NFAM1: variants seen among roughly 807,000 people sequenced by gnomAD.
The protein encoded by NFAM1 is NFAT activating protein with ITAM motif 1.
A neutral mutation model predicts 29.0 loss-of-function variants in NFAM1; 17 were observed. The observed-to-expected ratio is 0.59, with a 90% CI of 0.40 to 0.88. The LOEUF is 0.88. Ranked by LOEUF, NFAM1 falls within the 40% of genes least tolerant of loss-of-function variation. NFAM1 has a pLI of 0.00. For synonymous variants in NFAM1, 175 were observed against 147.2 expected (o/e 1.19, Z -1.36); for missense variants, 324 against 344.6 (o/e 0.94, Z 0.47).
upstream of NFAM1, among the ~76,000 whole-genome samples, chr22:42,436,562 G>T (rs1309631393): frequency 3.3e-5 from 5 of 152,232 alleles, no homozygotes; most frequent in Admixed American, 3.3e-4. Context: ...CCACCTGGAG[G>T]CCATCTGCCC....
chr22:42,426,274 A>ACC (rs1439355409), intron 1 of NFAM1, among the ~76,000 whole-genome samples: 66 of 152,058 alleles, frequency 4.3e-4, no homozygotes, highest in Admixed American at 9.2e-4. Context: ...TGCTCTGTGG[A>ACC]CCTCTGGCCC....
chr22:42,387,824 C>T (rs742157), intron 4 of NFAM1, among the ~76,000 whole-genome samples: 22,925 of 152,132 alleles, frequency 0.15, 1,818 homozygotes, highest in African/African-American at 0.17. Context: ...TCTCTGACCA[C>T]GGTCCCCCCA....
chr22:42,387,117 T>A, intron 4 of NFAM1, 39 bp from the exon 5 acceptor site: 1 of 1,228,364 alleles, frequency 8.1e-7, no homozygotes, highest in Non-Finnish European at 1.2e-6. Context: ...GGCAAGTGTG[T>A]AGAGGGGCAG....
chr22:42,398,382 TTTATTATTATTATTA>T (rs202112713), intron 3 of NFAM1, among the ~76,000 whole-genome samples: 1,372 of 125,412 alleles, frequency 0.011, 8 homozygotes, highest in Middle Eastern at 0.017. Context: ...CTTGGTTTTA[TTTATTATTATTATTA>T]TTATTATTAT....
At chr22:42,387,350 A>G (rs548057438) in intron 4 of NFAM1, among the ~76,000 whole-genome samples, 2 of 152,182 alleles carry the variant, frequency 1.3e-5, no homozygotes, top group South Asian at 2.1e-4. Flanking sequence ...GGAGGGTTCT[A>G]TCCAGGCTTC....
At chr22:42,431,859 G>A (rs926491694) in intron 1 of NFAM1, among the ~76,000 whole-genome samples, 3 of 143,816 alleles carry the variant, frequency 2.1e-5, no homozygotes, top group South Asian at 4.6e-4. Context: ...CAGGTTCAAC[G>A]CAGTGTCCCC....
In NFAM1 at chr22:42,411,019, C is replaced by CTTTTTT. The variant is rs138369373; in HGVS notation, c.451+382_451+387dup. On this transcript the variant is annotated intron_variant, in intron 2 of 5. Transcript: ENST00000329021. ...AACCATTCTCTATTTCTTTTCTTTT[C>CTTTTTT]TTTTTTTTTTTTTTTTTTTTTTGAG... Among the ~76,000 whole-genome samples the CTTTTTT allele has an allele frequency of 1.1e-3, 136 of 121,660 alleles. 1 individual carries two copies. The highest frequency in any genetic ancestry group is 3.1e-3 in the African/African-American group (93 of 30,062). The allele number at this position is 121,660 out of a possible 152,430, so 79.8% of individuals were successfully genotyped here.
intron 1 of NFAM1, among the ~76,000 whole-genome samples, chr22:42,430,257 T>C (rs979787125): frequency 6.7e-6 from 1 of 148,846 alleles, no homozygotes; most frequent in Non-Finnish European, 1.5e-5. Context: ...AGCGAGACCC[T>C]GTCTCAAAAA....
chr22:42,421,543 G>A lies in NFAM1; in HGVS notation c.122-9807C>T, dbSNP rs561789223. ...GAATCTGCCACCCACAATCTCCCCC[G>A]TCCCTCACACTCTGCTCCAGCTGCT... On this transcript the variant is annotated intron_variant, in intron 1 of 5. Coordinates refer to ENST00000329021, the MANE Select transcript of NFAM1 (RefSeq NM_145912.8). Among the ~76,000 whole-genome samples the A allele has an allele frequency of 5.3e-5, 8 of 151,700 alleles. No individual in the cohort carries two copies. In the South Asian group the frequency reaches 8.3e-4, roughly 16 times the overall value.
intron 3 of NFAM1, among the ~76,000 whole-genome samples, chr22:42,401,943 C>T (rs1929738456): frequency 6.6e-6 from 1 of 152,254 alleles, no homozygotes; most frequent in African/African-American, 2.4e-5. Context: ...TCCTCGCATG[C>T]ATTTATCCTG....
intron 4 of NFAM1, among the ~76,000 whole-genome samples, chr22:42,387,637 A>C (rs1929196083): frequency 6.7e-6 from 1 of 149,252 alleles, no homozygotes; most frequent in Admixed American, 6.8e-5. Context: ...CTCCCTGGTC[A>C]TCGAGCCTGT....
intron 5 of NFAM1, among the ~76,000 whole-genome samples, chr22:42,385,603 C>T (rs1929111658): frequency 6.6e-6 from 1 of 151,906 alleles, no homozygotes; most frequent in Admixed American, 6.6e-5. Context: ...TCCCTCCCCA[C>T]CCTGGCTGGT....
intron 4 of NFAM1, among the ~76,000 whole-genome samples, chr22:42,390,640 A>G (rs997223440): frequency 1.3e-5 from 2 of 152,058 alleles, no homozygotes; most frequent in Non-Finnish European, 2.9e-5. Context: ...AACATGGCAA[A>G]ACCCCGTCTT....
upstream of NFAM1, among the ~76,000 whole-genome samples, chr22:42,434,607 T>C (rs1485737000): frequency 6.6e-6 from 1 of 152,166 alleles, no homozygotes. Context: ...GCCAGGGGGA[T>C]AGAAATAAAA....
chr22:42,400,736 C>T (rs971615415), intron 3 of NFAM1, among the ~76,000 whole-genome samples: 2 of 152,236 alleles, frequency 1.3e-5, no homozygotes, highest in Non-Finnish European at 1.5e-5. Flanking sequence ...TCCCCTGCAC[C>T]ACCTGCTTCT....
In NFAM1 at chr22:42,411,731, GTCC is replaced by G; in HGVS notation, c.124_126del (p.Gly42del). 1.2e-6 allele frequency: 2 copies of G among 1,612,044 alleles called. No homozygotes were observed. Among genetic ancestry groups the G allele is most frequent in the African/African-American group, 1.3e-5 (1 of 75,044 alleles). ...GGCAGGCCGGTGTGGGTCACTGACT[GTCC>G]TCCTGGAGGGGAAGCAAAGGGAGAG... On this transcript the variant is annotated inframe_deletion and splice_region_variant, in exon 2 of 6. Transcript: ENST00000329021.
chr22:42,388,062 AT>A lies in NFAM1; in HGVS notation c.664-985del. Among the ~76,000 whole-genome samples the A allele has an allele frequency of 6.6e-6, 1 of 152,232 alleles. No individual in the cohort carries two copies. The highest frequency in any genetic ancestry group is 1.5e-5 in the Non-Finnish European group (1 of 68,038). ...CAAAGGGAGCAGCACCAAATGAGCT[AT>A]GGTAAGGGGGCTTCCCCGTCACTCG... On this transcript the variant is annotated intron_variant, in intron 4 of 5. Transcript: ENST00000329021. The surrounding 1 kb of genome is among the most constrained non-coding windows in gnomAD (Gnocchi z 4.1).
intron 4 of NFAM1, among the ~76,000 whole-genome samples, chr22:42,387,679 G>C (rs1481674350): frequency 1.3e-5 from 2 of 151,980 alleles, no homozygotes; most frequent in Non-Finnish European, 1.5e-5. Flanking sequence ...GTCCAATCCT[G>C]GTTCTCAGCA....
intron 1 of NFAM1, 84 bp downstream of exon 1, chr22:42,432,153 G>A (rs1305427452): frequency 4.0e-6 from 5 of 1,239,214 alleles, no homozygotes; most frequent in Non-Finnish European, 5.8e-6. Context: ...CAGGTCCCTG[G>A]GAATTAGCTG....
Sources: gnomAD v4.1 joint callset for allele counts (sites outside exome capture counted in the v4.1 genomes callset) on GRCh38, gnomAD v4.1.1 for gene constraint, Gnocchi (gnomAD v3.1) non-coding constraint, MANE v1.5 for transcripts, NCBI Gene and HGNC (gene_info 2026-07-23, HGNC 2026-07-21) for gene names.